Variants in APP observed in about 807,000 individuals in gnomAD.
APP encodes the protein amyloid beta precursor protein.
A neutral mutation model predicts 101.4 loss-of-function variants in APP; 31 were observed. The ratio of observed to expected loss-of-function variants is 0.31; its 90% CI spans 0.23 to 0.41. The LOEUF (loss-of-function observed/expected upper bound fraction) is 0.41. Ranked by LOEUF, APP falls within the 10% of genes least tolerant of loss-of-function variation. The pLI, the probability that APP is intolerant of heterozygous loss-of-function variation, is 1.00. For missense variants in APP, 839 were observed against 1,003.7 expected (o/e 0.84, Z 2.22); for synonymous variants, 366 against 364.4 (o/e 1.00, Z -0.05).
At chr21:26,117,957 T>C (rs943049334) in intron 1 of APP, among the ~76,000 whole-genome samples, 1 of 152,248 alleles carries the variant, frequency 6.6e-6, no homozygotes, top group Non-Finnish European at 1.5e-5. Context: ...GGGTCACTGT[T>C]GATCTGGCTT....
chr21:25,998,219 C>T (rs989445924), intron 7 of APP, among the ~76,000 whole-genome samples: 1 of 152,134 alleles, frequency 6.6e-6, no homozygotes, highest in African/African-American at 2.4e-5. Context: ...GGAAACCTCT[C>T]CCACCGGCTA....
At chr21:25,891,618 T>TC (rs1346259137) in intron 17 of APP, 104 bp downstream of exon 17, 2 of 1,154,934 alleles carry the variant, frequency 1.7e-6, no homozygotes, top group Non-Finnish European at 2.6e-6. Flanking sequence ...GCACACTGAT[T>TC]CGTTTTTTAA....
At chr21:26,102,112 G>A (rs913540432) in intron 2 of APP, among the ~76,000 whole-genome samples, 3 of 2,944 alleles carry the variant, frequency 1.0e-3, no homozygotes, top group African/African-American at 4.9e-3. Context: ...TTTGGAGCCG[G>A]AGTCTCGCTC....
chr21:26,059,675 G>A (rs755326561), intron 3 of APP, among the ~76,000 whole-genome samples: 4 of 152,088 alleles, frequency 2.6e-5, no homozygotes, highest in Non-Finnish European at 4.4e-5. Context: ...TGGATCACAA[G>A]GTCAGGAGTT....
At chr21:26,159,125 T>C (rs528028523) in intron 1 of APP, among the ~76,000 whole-genome samples, 84 of 152,184 alleles carry the variant, frequency 5.5e-4, no homozygotes, top group Admixed American at 1.2e-3. Flanking sequence ...CTCTGTTGCC[T>C]AGGCTGGAGT....
intron 17 of APP, among the ~76,000 whole-genome samples, chr21:25,881,994 T>C (rs952612241): frequency 1.3e-5 from 2 of 152,142 alleles, no homozygotes; most frequent in African/African-American, 4.8e-5. Context: ...GGTGGAAACC[T>C]TGACGCGCTT....
At chr21:26,057,259 C>T (rs1410393475) in intron 3 of APP, among the ~76,000 whole-genome samples, 4 of 152,164 alleles carry the variant, frequency 2.6e-5, no homozygotes, top group African/African-American at 9.7e-5. Flanking sequence ...GAGTTCTTAA[C>T]AGAATTCTGA....
chr21:25,901,323 A>AAC (rs1415299377), intron 15 of APP, among the ~76,000 whole-genome samples: 11 of 64,240 alleles, frequency 1.7e-4, no homozygotes, highest in South Asian at 6.8e-4. Flanking sequence ...AAAAAACAAA[A>AAC]CCAAGAGCTC....
chr21:26,104,321 G>A (rs2062131855), intron 2 of APP, among the ~76,000 whole-genome samples: 1 of 151,098 alleles, frequency 6.6e-6, no homozygotes, highest in Admixed American at 6.7e-5. Context: ...AAAAAAAGGG[G>A]GGAAAAATCT....
chr21:25,883,819 G>C (rs1245705863), intron 17 of APP, among the ~76,000 whole-genome samples: 1 of 152,230 alleles, frequency 6.6e-6, no homozygotes, highest in Non-Finnish European at 1.5e-5. Context: ...ATGACTACCA[G>C]TGGCTAATCC....
intron 1 of APP, among the ~76,000 whole-genome samples, chr21:26,160,364 A>C (rs2063466183): frequency 1.3e-5 from 2 of 152,192 alleles, no homozygotes; most frequent in Non-Finnish European, 2.9e-5. Context: ...TATTCGTTTT[A>C]CTTCTGTTGC....
intron 5 of APP, among the ~76,000 whole-genome samples, chr21:26,029,885 G>A (rs1018975801): frequency 6.6e-6 from 1 of 152,130 alleles, no homozygotes; most frequent in Admixed American, 6.5e-5. Flanking sequence ...ACCATTTAAA[G>A]TCAAACCAAC....
chr21:26,170,864 G>A (rs200203169), upstream of APP: 457 of 414,792 alleles, frequency 1.1e-3, 2 homozygotes, highest in African/African-American at 8.0e-3. Context: ...TAGCGGCGCC[G>A]CCGGGGAACT....
chr21:25,976,790 CAAT>C (rs750583083), intron 9 of APP, among the ~76,000 whole-genome samples: 3 of 152,160 alleles, frequency 2.0e-5, no homozygotes, highest in Non-Finnish European at 4.4e-5. Context: ...CCCAGTGCAA[CAAT>C]GTTGAGGGGT....
At chr21:26,096,714 T>G (rs1287145314) in intron 2 of APP, among the ~76,000 whole-genome samples, 1 of 152,104 alleles carries the variant, frequency 6.6e-6, no homozygotes, top group Non-Finnish European at 1.5e-5. Flanking sequence ...AGGTCGAGGC[T>G]GCAGTGAACT....
intron 13 of APP, among the ~76,000 whole-genome samples, chr21:25,928,234 C>G (rs1396577953): frequency 6.6e-6 from 1 of 152,008 alleles, no homozygotes; most frequent in Non-Finnish European, 1.5e-5. Context: ...CCCAGCTACT[C>G]AGGAGGCTGA....
intron 3 of APP, among the ~76,000 whole-genome samples, chr21:26,082,431 T>G (rs1013318427): frequency 4.6e-5 from 7 of 152,146 alleles, no homozygotes; most frequent in African/African-American, 1.7e-4. Flanking sequence ...AAGTACTATG[T>G]GTATACATAA....
chr21:25,895,606 C>A (rs1468783151), intron 16 of APP, among the ~76,000 whole-genome samples: 12 of 152,074 alleles, frequency 7.9e-5, no homozygotes, highest in Non-Finnish European at 7.4e-5. Context: ...TCAAGGTAGT[C>A]AAATGACTGA....
At chr21:26,106,259 C>T (rs929883942) in intron 2 of APP, among the ~76,000 whole-genome samples, 8 of 152,168 alleles carry the variant, frequency 5.3e-5, no homozygotes, top group Non-Finnish European at 1.2e-4. Context: ...AGTACTGACC[C>T]TCGGTTCCAG....
Sources: gnomAD v4.1 joint callset for allele counts (sites outside exome capture counted in the v4.1 genomes callset) on GRCh38, gnomAD v4.1.1 for gene constraint, MANE v1.5 for transcripts, NCBI Gene and HGNC (gene_info 2026-07-23, HGNC 2026-07-21) for gene names.